Variants in FGF12 observed in about 807,000 individuals in gnomAD.
FGF12 encodes fibroblast growth factor 12.
A neutral mutation model predicts 23.6 loss-of-function variants in FGF12; 14 were observed. The ratio of observed to expected loss-of-function variants is 0.59; its 90% confidence interval spans 0.39 to 0.93. The LOEUF is 0.93. FGF12 is among the 40% of genes least tolerant of loss of function. The pLI is 0.00. For missense variants in FGF12, 175 were observed against 217.8 expected (o/e 0.80, Z 1.24); for synonymous variants, 62 against 77.3 (o/e 0.80, Z 1.04).
chr3:192,245,717 G>A (rs1201222569), intron 4 of FGF12, among the ~76,000 whole-genome samples: 1 of 152,180 alleles, frequency 6.6e-6, no homozygotes, highest in African/African-American at 2.4e-5. Context: ...TTTGGTCCAT[G>A]TTAGAATAGT....
chr3:192,198,413 C>T (rs1364669915), intron 4 of FGF12, among the ~76,000 whole-genome samples: 1 of 151,644 alleles, frequency 6.6e-6, no homozygotes, highest in African/African-American at 2.4e-5. Context: ...GCATAAAAAC[C>T]ACTGAGCAAA....
chr3:192,503,855 G>A (rs747043433), intron 2 of FGF12, among the ~76,000 whole-genome samples: 2 of 151,880 alleles, frequency 1.3e-5, no homozygotes, highest in African/African-American at 4.8e-5. Context: ...ATACCCAAAG[G>A]AATATAAATC....
At chr3:192,388,799 A>G (rs544598344) in intron 2 of FGF12, among the ~76,000 whole-genome samples, 27 of 152,200 alleles carry the variant, frequency 1.8e-4, no homozygotes, top group Admixed American at 6.5e-4. Context: ...TTTGAAAAAT[A>G]TATTTTAAAA....
At chr3:192,253,693 A>G (rs1361502388) in intron 4 of FGF12, among the ~76,000 whole-genome samples, 1 of 152,078 alleles carries the variant, frequency 6.6e-6, no homozygotes, top group Non-Finnish European at 1.5e-5. Flanking sequence ...TCTCATATCA[A>G]TCCAGAGAAA....
chr3:192,570,023 G>A (rs1357485525), intron 2 of FGF12, among the ~76,000 whole-genome samples: 2 of 152,178 alleles, frequency 1.3e-5, no homozygotes, highest in African/African-American at 2.4e-5. Flanking sequence ...CTGCAAGGAG[G>A]CAGAAGTTCC....
At chr3:192,192,552 T>G (rs1208622633) in intron 4 of FGF12, among the ~76,000 whole-genome samples, 2 of 150,172 alleles carry the variant, frequency 1.3e-5, no homozygotes, top group South Asian at 2.1e-4. Flanking sequence ...ACAAGACAGA[T>G]CTTCGCACTT....
chr3:192,513,964 A>G (rs1315375105), intron 2 of FGF12, among the ~76,000 whole-genome samples: 1 of 152,260 alleles, frequency 6.6e-6, no homozygotes, highest in Non-Finnish European at 1.5e-5. Flanking sequence ...AGACTTCAGC[A>G]TAAAAGAATC....
intron 2 of FGF12, among the ~76,000 whole-genome samples, chr3:192,403,547 GTT>G: frequency 6.8e-6 from 1 of 146,214 alleles, no homozygotes; most frequent in African/African-American, 2.5e-5. Flanking sequence ...GGGTCTTACT[GTT>G]TTTTTTTTTT....
At chr3:192,675,847 C>A (rs563545693) in intron 2 of FGF12, among the ~76,000 whole-genome samples, 5 of 152,198 alleles carry the variant, frequency 3.3e-5, no homozygotes, top group South Asian at 4.1e-4. Flanking sequence ...GTGGAAACAA[C>A]CGAGGTCTGC....
chr3:192,209,199 C>T (rs1010935230), intron 4 of FGF12, among the ~76,000 whole-genome samples: 1 of 152,068 alleles, frequency 6.6e-6, no homozygotes, highest in African/African-American at 2.4e-5. Flanking sequence ...ACATTTTCTC[C>T]CCTACTTCTT....
Position 192,489,077 on chromosome 3 carries a change from T to C in FGF12, c.14-128539A>G, listed in dbSNP as rs190061587. Among the ~76,000 whole-genome samples the C allele has an allele frequency of 9.9e-4, 150 of 152,168 alleles. 1 individual carries two copies. The highest frequency in any genetic ancestry group is 3.6e-3 in the Admixed American group (55 of 15,264). ...CTCACAATGCTTGCCTGCGCTCTGGTTTCACTTTATTCTGGAAAAGCTGGT... is the reference window on the plus strand; with the variant it reads ...CTCACAATGCTTGCCTGCGCTCTGGCTTCACTTTATTCTGGAAAAGCTGGT... On this transcript the variant is annotated intron_variant, in intron 2 of 5. Transcript: ENST00000445105.
At position 192,252,489 on chromosome 3, in the gene FGF12, A is replaced by G. The variant is rs867758978; in HGVS notation, c.229-81833T>C. ...AAAAAAAAAAAAAAAAAAAAAAAAAAAAAAGAAAAGAGAAGAGAAGACAAG... is the reference window on the plus strand; with the variant it reads ...AAAAAAAAAAAAAAAAAAAAAAAAAGAAAAGAAAAGAGAAGAGAAGACAAG... On this transcript the variant is annotated intron_variant, in intron 4 of 5. Coordinates refer to ENST00000445105, the MANE Select transcript of FGF12 (RefSeq NM_004113.6). Among the ~76,000 whole-genome samples the G allele has an allele frequency of 6.3e-3, 921 of 147,266 alleles. 21 individuals are homozygous for G. Among genetic ancestry groups the G allele is most frequent in the African/African-American group, 0.022 (867 of 39,910 alleles).
chr3:192,682,630 T>C (rs902426722), intron 2 of FGF12, among the ~76,000 whole-genome samples: 2 of 152,336 alleles, frequency 1.3e-5, no homozygotes, highest in Non-Finnish European at 2.9e-5. Context: ...TGTCCTGGGC[T>C]TCTGGGATGG....
intron 2 of FGF12, among the ~76,000 whole-genome samples, chr3:192,619,740 G>A (rs1050950144): frequency 1.3e-5 from 2 of 152,062 alleles, no homozygotes; most frequent in African/African-American, 4.8e-5. Flanking sequence ...TATTCCAAAC[G>A]TATTTGGCCA....
At chr3:192,178,783 C>A (rs1716004253) in intron 4 of FGF12, among the ~76,000 whole-genome samples, 1 of 152,216 alleles carries the variant, frequency 6.6e-6, no homozygotes, top group African/African-American at 2.4e-5. Flanking sequence ...CAGGCATAAG[C>A]CACTGCGCCA....
At chr3:192,608,414 C>T (rs1455649321) in intron 2 of FGF12, among the ~76,000 whole-genome samples, 3 of 151,990 alleles carry the variant, frequency 2.0e-5, no homozygotes, top group African/African-American at 4.8e-5. Context: ...CTCATGTGCT[C>T]TGTATATATA....
intron 2 of FGF12, among the ~76,000 whole-genome samples, chr3:192,417,277 C>A (rs1721386350): frequency 6.7e-6 from 1 of 149,808 alleles, no homozygotes. Flanking sequence ...GATAAGTAAC[C>A]AAAAGCGTTT....
intron 4 of FGF12, among the ~76,000 whole-genome samples, chr3:192,314,831 G>A (rs1716145961): frequency 6.6e-6 from 1 of 152,140 alleles, no homozygotes; most frequent in African/African-American, 2.4e-5. Flanking sequence ...ATTACCCACT[G>A]AGTTACATGT....
At chr3:192,197,480 T>A (rs1208889262) in intron 4 of FGF12, among the ~76,000 whole-genome samples, 1 of 152,188 alleles carries the variant, frequency 6.6e-6, no homozygotes, top group Non-Finnish European at 1.5e-5. Flanking sequence ...TATAAAATGA[T>A]CTAGATTAAG....
Sources: allele counts gnomAD v4.1 joint callset (sites outside exome capture counted in the v4.1 genomes callset), GRCh38; gene constraint gnomAD v4.1.1; transcripts MANE v1.5; gene names NCBI Gene and HGNC (gene_info 2026-07-23, HGNC 2026-07-21).